NCKAP5: variants seen among roughly 807,000 people sequenced by gnomAD.
NCKAP5 encodes NCK associated protein 5.
NCKAP5 carries 92 observed loss-of-function variants against 167.0 expected under a neutral mutation model. The ratio of observed to expected loss-of-function variants is 0.55; its 90% CI spans 0.47 to 0.66. The LOEUF is 0.66. NCKAP5 is among the 30% of genes least tolerant of loss of function. NCKAP5 has a pLI of 0.00. For missense variants in NCKAP5, 2,378 were observed against 2,315.0 expected (o/e 1.03, Z -0.56); for synonymous variants, 891 against 877.4 (o/e 1.02, Z -0.27).
chr2:133,263,470 G>T (rs1441639502), intron 4 of NCKAP5, among the ~76,000 whole-genome samples: 1 of 151,576 alleles, frequency 6.6e-6, no homozygotes, highest in Non-Finnish European at 1.5e-5. Flanking sequence ...ATCTCCCTAT[G>T]GTATACCACC....
At chr2:133,191,907 T>A (rs141864191) in intron 5 of NCKAP5, among the ~76,000 whole-genome samples, 1,660 of 152,104 alleles carry the variant, frequency 0.011, 31 homozygotes, top group African/African-American at 0.037. Flanking sequence ...ACCCTAGAAC[T>A]TAAAGTATAA....
At chr2:132,964,900 C>A (rs572152492) in intron 7 of NCKAP5, among the ~76,000 whole-genome samples, 1 of 151,866 alleles carries the variant, frequency 6.6e-6, no homozygotes, top group East Asian at 1.9e-4. Context: ...AAAAAAAAAA[C>A]CACGGCGTTT....
chr2:132,781,055 G>A lies in NCKAP5; in HGVS notation c.5046C>T (p.Ser1682=). ...IKADMEVPKD[S]LVKEANENLQ... ...ACCAGGATGGTGGAGCACTTACCAG[G>A]GAGTCTTTTGGTACTTCCATATCGG... is the stretch of plus-strand genomic sequence containing the variant. The change falls in exon 15 of 20, where the codon TCC becomes TCT. Residue 1682 remains serine, a synonymous_variant. Coordinates refer to ENST00000409261, the MANE Select transcript of NCKAP5 (RefSeq NM_207363.3). 6.2e-7 allele frequency: 1 copy of A among 1,612,990 alleles called. No homozygotes were observed. Among genetic ancestry groups the A allele is most frequent in the Non-Finnish European group, 8.5e-7 (1 of 1,179,462 alleles).
At chr2:133,519,916 G>A (rs752965429) in intron 2 of NCKAP5, among the ~76,000 whole-genome samples, 9 of 152,234 alleles carry the variant, frequency 5.9e-5, no homozygotes, top group East Asian at 1.9e-4. Context: ...GGCCGGGCAC[G>A]GTGGCTCACA....
chr2:133,442,248 T>A (rs1340135992), intron 3 of NCKAP5, among the ~76,000 whole-genome samples: 1 of 152,010 alleles, frequency 6.6e-6, no homozygotes, highest in Non-Finnish European at 1.5e-5. Flanking sequence ...TATAGAGTGG[T>A]AGTAATTGGG....
chr2:132,728,220 C>A (rs1395149283), intron 18 of NCKAP5, among the ~76,000 whole-genome samples: 1 of 152,084 alleles, frequency 6.6e-6, no homozygotes, highest in Non-Finnish European at 1.5e-5. Flanking sequence ...TACCACATAA[C>A]CCCCACTAGG....
At position 132,673,173 on chromosome 2, in the gene NCKAP5, C is replaced by A. The variant is rs183101312; in HGVS notation, c.*116G>T. ...TCTTTTTCTTCCTTCTGTCCTTCAA[C>A]CTTGTTCAGAGAGTTCTTCTCTTTT... is the stretch of plus-strand genomic sequence containing the variant. On this transcript the variant is annotated 3_prime_UTR_variant, in exon 20 of 20. Coordinates refer to ENST00000409261, the MANE Select transcript of NCKAP5 (RefSeq NM_207363.3). The A allele has an allele frequency of 9.4e-5, 130 of 1,389,876 alleles. No individual in the cohort carries two copies. Among genetic ancestry groups the A allele is most frequent in the Non-Finnish European group, 1.1e-4 (121 of 1,074,068 alleles). The allele number at this position is 1,389,876 out of a possible 1,614,324, so 86.1% of individuals were successfully genotyped here. A position where few individuals can be genotyped will look rare whatever the true frequency, so the allele number is the denominator to read the frequency against.
chr2:133,266,399 C>T (rs1010804348), intron 4 of NCKAP5: 5 of 153,144 alleles, frequency 3.3e-5, no homozygotes, highest in African/African-American at 1.2e-4. Context: ...AGCATACAGT[C>T]TGCGGGGACA....
chr2:132,933,798 G>A (rs1406168549), intron 8 of NCKAP5, among the ~76,000 whole-genome samples: 1 of 152,082 alleles, frequency 6.6e-6, no homozygotes, highest in Admixed American at 6.6e-5. Flanking sequence ...TGAGAAGCCA[G>A]GAAGTTCTGA....
intron 3 of NCKAP5, among the ~76,000 whole-genome samples, chr2:133,470,735 C>T (rs1002337564): frequency 1.3e-4 from 20 of 152,216 alleles, no homozygotes; most frequent in East Asian, 3.9e-4. Flanking sequence ...TTAAGCCTGT[C>T]GGAAAAGTAC....
At chr2:133,152,437 G>T (rs148811834) in intron 5 of NCKAP5, among the ~76,000 whole-genome samples, 1 of 152,118 alleles carries the variant, frequency 6.6e-6, no homozygotes, top group Admixed American at 6.5e-5. Flanking sequence ...TGAGATGTAC[G>T]CCGAATGCAT....
chr2:133,110,747 C>T (rs796289675), intron 6 of NCKAP5, among the ~76,000 whole-genome samples: 1 of 152,122 alleles, frequency 6.6e-6, no homozygotes, highest in Non-Finnish European at 1.5e-5. Flanking sequence ...TACAACTTTG[C>T]CCCCGTATTC....
At chr2:132,688,811 C>T (rs571224135) in intron 19 of NCKAP5, among the ~76,000 whole-genome samples, 2 of 151,976 alleles carry the variant, frequency 1.3e-5, no homozygotes, top group South Asian at 2.1e-4. Flanking sequence ...CACGGTGAGA[C>T]TCTATCTCTA....
intron 4 of NCKAP5, among the ~76,000 whole-genome samples, chr2:133,258,560 A>G (rs1405936664): frequency 6.6e-6 from 1 of 152,130 alleles, no homozygotes; most frequent in Non-Finnish European, 1.5e-5. Flanking sequence ...CCTGTGCAAC[A>G]TGGCAAAACC....
chr2:133,508,986 G>C (rs1683259215), intron 3 of NCKAP5, among the ~76,000 whole-genome samples: 1 of 152,216 alleles, frequency 6.6e-6, no homozygotes, highest in Admixed American at 6.5e-5. Context: ...CAACAAGGAT[G>C]CACAGAACTA....
intron 6 of NCKAP5, among the ~76,000 whole-genome samples, chr2:133,098,215 C>T (rs1264425593): frequency 6.6e-6 from 1 of 152,150 alleles, no homozygotes; most frequent in African/African-American, 2.4e-5. Flanking sequence ...TAATCAGACA[C>T]ATCAATCTAA....
the NCKAP5 span, among the ~76,000 whole-genome samples, chr2:133,594,175 T>C: frequency 1.3e-5 from 2 of 152,248 alleles, no homozygotes; most frequent in African/African-American, 2.4e-5. Context: ...GAGGCCATCA[T>C]TGCAGCCGTG....
chr2:133,428,260 G>A (rs1332263961), intron 3 of NCKAP5, among the ~76,000 whole-genome samples: 1 of 152,066 alleles, frequency 6.6e-6, no homozygotes, highest in Non-Finnish European at 1.5e-5. Flanking sequence ...TAAATCACTG[G>A]CACAGAATAA....
intron 3 of NCKAP5, among the ~76,000 whole-genome samples, chr2:133,456,208 T>A (rs566538141): frequency 8.5e-5 from 13 of 152,136 alleles, no homozygotes; most frequent in Non-Finnish European, 1.8e-4. Context: ...AAAACCCCCA[T>A]ATTGCAGCGG....
Sources: gnomAD v4.1 joint callset for allele counts (sites outside exome capture counted in the v4.1 genomes callset) on GRCh38, gnomAD v4.1.1 for gene constraint, MANE v1.5 for transcripts, NCBI Gene and HGNC (gene_info 2026-07-23, HGNC 2026-07-21) for gene names.